The following CNNM2 variants were observed in gnomAD, a reference collection of about 807,000 sequenced individuals.
CNNM2 encodes cyclin and CBS domain divalent metal cation transport mediator 2.
Under a neutral mutation model 66.9 loss-of-function variants are expected in CNNM2, and 12 were observed. That is an observed-to-expected ratio of 0.18 (90% CI 0.11 to 0.29). The LOEUF (loss-of-function observed/expected upper bound fraction) is 0.29. Among genes scored for constraint, CNNM2 ranks in the 10% least tolerant of loss-of-function variants. The pLI is 1.00. For missense variants in CNNM2, 705 were observed against 1,167.7 expected, an observed-to-expected ratio of 0.60 and a Z score of 5.77; for synonymous variants, 557 against 501.8, an observed-to-expected ratio of 1.11 and a Z score of -1.47.
chr10:103,023,259 G>A (rs1040592849), intron 1 of CNNM2, among the ~76,000 whole-genome samples: 8 of 152,082 alleles, frequency 5.3e-5, no homozygotes, highest in Non-Finnish European at 8.8e-5. Flanking sequence ...GCAAGAACTC[G>A]CCCAACACTG....
At chr10:102,983,495 AC>A (rs1390069407) in intron 1 of CNNM2, among the ~76,000 whole-genome samples, 3 of 151,680 alleles carry the variant, frequency 2.0e-5, no homozygotes, top group Non-Finnish European at 4.4e-5. Flanking sequence ...CCCTGTCTCT[AC>A]TAAAAATACA....
intron 4 of CNNM2, among the ~76,000 whole-genome samples, chr10:103,062,256 G>A (rs1225221310): frequency 6.6e-6 from 1 of 152,108 alleles, no homozygotes; most frequent in Non-Finnish European, 1.5e-5. Flanking sequence ...TATAAACGGG[G>A]GTCGTCTTGT....
chr10:103,062,114 G>A (rs1248566117), intron 4 of CNNM2, among the ~76,000 whole-genome samples: 1 of 152,168 alleles, frequency 6.6e-6, no homozygotes, highest in Non-Finnish European at 1.5e-5. Flanking sequence ...AACAGTTCAC[G>A]TCTAGCTAAT....
chr10:103,039,153 C>CT (rs934078192), intron 1 of CNNM2, among the ~76,000 whole-genome samples: 51 of 150,490 alleles, frequency 3.4e-4, no homozygotes, highest in Middle Eastern at 3.4e-3. Flanking sequence ...ATTTTTTTTG[C>CT]TTTTTTTTTG....
chr10:103,072,817 G>T (rs375827391), intron 6 of CNNM2, among the ~76,000 whole-genome samples: 1 of 152,212 alleles, frequency 6.6e-6, no homozygotes, highest in Non-Finnish European at 1.5e-5. Flanking sequence ...CTGGGGGTCA[G>T]CCACTACGGT....
At chr10:102,993,969 C>G (rs112240253) in intron 1 of CNNM2, among the ~76,000 whole-genome samples, 1 of 152,040 alleles carries the variant, frequency 6.6e-6, no homozygotes, top group Non-Finnish European at 1.5e-5. Context: ...CAGAGTCTTA[C>G]TCTGTCACCC....
chr10:102,985,037 C>T (rs774511954), intron 1 of CNNM2, among the ~76,000 whole-genome samples: 16 of 151,890 alleles, frequency 1.1e-4, no homozygotes, highest in African/African-American at 3.4e-4. Flanking sequence ...GCCAAAAGGC[C>T]GAGAAGCGAT....
At chr10:102,976,271 G>T (rs574929181) in intron 1 of CNNM2, among the ~76,000 whole-genome samples, 1 of 152,214 alleles carries the variant, frequency 6.6e-6, no homozygotes, top group Admixed American at 6.5e-5. Context: ...ATTAATGAAA[G>T]AAGAATTTAG....
intron 1 of CNNM2, among the ~76,000 whole-genome samples, chr10:102,991,278 G>A (rs1057347597): frequency 2.0e-5 from 3 of 152,060 alleles, no homozygotes; most frequent in East Asian, 1.9e-4. Flanking sequence ...GTGACTCGCC[G>A]CACCAGGCCA....
chr10:103,033,643 AC>A (rs2064872455), intron 1 of CNNM2, among the ~76,000 whole-genome samples: 1 of 151,634 alleles, frequency 6.6e-6, no homozygotes, highest in South Asian at 2.1e-4. Flanking sequence ...CACAAATTCT[AC>A]CCTAGGATCC....
In CNNM2 at chr10:102,999,237, A is replaced by ATT. The variant is rs776992441; in HGVS notation, c.1622-50453_1622-50452dup. Among the ~76,000 whole-genome samples, 10,905 of 128,798 alleles carry ATT rather than the reference A, an allele frequency of 0.085. 660 individuals carry two copies. Among genetic ancestry groups the ATT allele is most frequent in the East Asian group, 0.26 (1,131 of 4,418 alleles). 84.5% of individuals were successfully genotyped at this position (128,798 alleles called of 152,430 possible). A position where few individuals can be genotyped will look rare whatever the true frequency, so the allele number is the denominator to read the frequency against. ...AGGTGCCCGTCACCCTGCCCGGCTA[A>ATT]TTTTTTTTTTTTTTTTTTGTATTTT... On this transcript the variant is annotated intron_variant, in intron 1 of 7. Coordinates refer to ENST00000369878, the MANE Select transcript of CNNM2 (RefSeq NM_017649.5).
At chr10:102,953,747 G>T (rs1388082450) in intron 1 of CNNM2, among the ~76,000 whole-genome samples, 2 of 151,590 alleles carry the variant, frequency 1.3e-5, no homozygotes, top group Non-Finnish European at 2.9e-5. Context: ...TTCTGGTAGA[G>T]ACTGGGTTTT....
At chr10:102,961,644 T>G (rs2063381139) in intron 1 of CNNM2, among the ~76,000 whole-genome samples, 1 of 152,226 alleles carries the variant, frequency 6.6e-6, no homozygotes, top group Admixed American at 6.6e-5. Flanking sequence ...GGTTAAATTA[T>G]GTGAAACTCT....
intron 1 of CNNM2, among the ~76,000 whole-genome samples, chr10:102,977,269 G>A (rs1254608725): frequency 6.6e-6 from 1 of 152,000 alleles, no homozygotes; most frequent in East Asian, 1.9e-4. Flanking sequence ...TAAAGGTTTT[G>A]GTATATTTGC....
At position 102,969,932 on chromosome 10, in the gene CNNM2, C is replaced by T. The variant is rs549298501; in HGVS notation, c.1621+49831C>T. Among the ~76,000 whole-genome samples, 11 of 152,236 alleles carry T rather than the reference C, an allele frequency of 7.2e-5. No homozygotes were observed. In the East Asian group the frequency reaches 7.7e-4, roughly 11 times the overall value. Reference sequence around the variant, plus strand: ...TGCTGGGATTACAGGTATGAGCCACCGTGCCTGCCTTATTAACTGTATTTT... The same window carrying T: ...TGCTGGGATTACAGGTATGAGCCACTGTGCCTGCCTTATTAACTGTATTTT... On this transcript the variant is annotated intron_variant, in intron 1 of 7. Coordinates refer to ENST00000369878, the MANE Select transcript of CNNM2 (RefSeq NM_017649.5).
Position 103,086,286 on chromosome 10 carries a change from G to GA in CNNM2, c.*9109dup, listed in dbSNP as rs1459363397. 1.3e-5 allele frequency: 2 copies of GA among 152,190 alleles called. No individual in the cohort carries two copies. Among genetic ancestry groups the GA allele is most frequent in the Admixed American group, 1.3e-4 (2 of 15,284 alleles). 9.4% of individuals were successfully genotyped at this position (152,190 alleles called of 1,614,324 possible). ...TGATCACCACTAAAGATCATCATGA[G>GA]AAACATAAGTATTTGAGCCCTAAAC... On this transcript the variant is annotated 3_prime_UTR_variant, in exon 8 of 8. Transcript: ENST00000369878.
At chr10:102,950,533 G>A (rs746617817) in intron 1 of CNNM2, among the ~76,000 whole-genome samples, 4 of 152,036 alleles carry the variant, frequency 2.6e-5, no homozygotes, top group Non-Finnish European at 4.4e-5. Flanking sequence ...GGCTTGAGGC[G>A]GGAGGATTGC....
intron 1 of CNNM2, among the ~76,000 whole-genome samples, chr10:102,974,346 A>G (rs1430109610): frequency 6.6e-6 from 1 of 152,204 alleles, no homozygotes; most frequent in African/African-American, 2.4e-5. Context: ...TAGTTATAAG[A>G]TGAAGTTTGA....
At chr10:103,049,346 C>A (rs2065179367) in intron 1 of CNNM2, among the ~76,000 whole-genome samples, 1 of 152,162 alleles carries the variant, frequency 6.6e-6, no homozygotes, top group South Asian at 2.1e-4. Flanking sequence ...GCCTCATGGA[C>A]CTCCTATAAG....
Sources: gnomAD v4.1 joint callset for allele counts (sites outside exome capture counted in the v4.1 genomes callset) on GRCh38, gnomAD v4.1.1 for gene constraint, MANE v1.5 for transcripts, NCBI Gene and HGNC (gene_info 2026-07-23, HGNC 2026-07-21) for gene names.